OR51B5: variants seen among roughly 807,000 people sequenced by gnomAD.
OR51B5 encodes olfactory receptor 51B5.
For synonymous variants in OR51B5, 186 were observed against 144.8 expected, an observed-to-expected ratio of 1.28 and a Z score of -2.04; for missense variants, 456 against 374.6, an observed-to-expected ratio of 1.22 and a Z score of -1.79.
intron 1 of OR51B5, chr11:5,430,679 A>G (rs936552483): frequency 4.4e-6 from 2 of 455,352 alleles, no homozygotes; most frequent in Admixed American, 4.7e-5. Flanking sequence ...TTGCAGGAAA[A>G]CAAGGTGAGA....
At chr11:5,398,192 A>G (rs1258277292) in intron 1 of OR51B5, among the ~76,000 whole-genome samples, 1 of 117,292 alleles carries the variant, frequency 8.5e-6, no homozygotes, top group Non-Finnish European at 2.0e-5. Flanking sequence ...CCTAAAACTT[A>G]AAAGTATAAC....
intron 1 of OR51B5, among the ~76,000 whole-genome samples, chr11:5,366,707 G>C: frequency 6.6e-6 from 1 of 151,678 alleles, no homozygotes; most frequent in Admixed American, 6.6e-5. Flanking sequence ...AGAAAAAGTA[G>C]AGGAGGAGGA....
chr11:5,357,522 C>G (rs1353538387), intron 1 of OR51B5, among the ~76,000 whole-genome samples: 2 of 151,998 alleles, frequency 1.3e-5, no homozygotes, highest in African/African-American at 4.8e-5. Flanking sequence ...CACACAATAA[C>G]AATGGGAGAC....
At chr11:5,427,357 T>TG (rs1850466595) in intron 1 of OR51B5, among the ~76,000 whole-genome samples, 1 of 147,278 alleles carries the variant, frequency 6.8e-6, no homozygotes, top group Non-Finnish European at 1.5e-5. Context: ...ATTGAACAGT[T>TG]AGGTAAGTGA....
intron 1 of OR51B5, among the ~76,000 whole-genome samples, chr11:5,404,687 G>A (rs2133744891): frequency 6.6e-6 from 1 of 152,308 alleles, no homozygotes; most frequent in South Asian, 2.1e-4. Context: ...AAATCTTGTG[G>A]CTGCTCACTC....
chr11:5,403,578 G>A, intron 1 of OR51B5: 1 of 455,494 alleles, frequency 2.2e-6, no homozygotes, highest in Middle Eastern at 3.3e-4. Flanking sequence ...AAATGTTTTT[G>A]TTTGTTTGCT....
At chr11:5,484,409 T>C (rs1288831737) in intron 1 of OR51B5, among the ~76,000 whole-genome samples, 1 of 152,148 alleles carries the variant, frequency 6.6e-6, no homozygotes, top group Non-Finnish European at 1.5e-5. Flanking sequence ...ACAGTTATTT[T>C]AAAGCTTTCT....
At chr11:5,425,755 T>C (rs933060280) in intron 1 of OR51B5, among the ~76,000 whole-genome samples, 2 of 152,210 alleles carry the variant, frequency 1.3e-5, no homozygotes, top group Non-Finnish European at 2.9e-5. Flanking sequence ...TTATTGACCC[T>C]CTGTAAATTA....
intron 1 of OR51B5, among the ~76,000 whole-genome samples, chr11:5,485,771 C>T (rs1851489281): frequency 6.6e-6 from 1 of 152,134 alleles, no homozygotes. Context: ...TCAAATACTA[C>T]CTTCCCAGCA....
Position 5,425,420 on chromosome 11 carries a change from CAGA to C in OR51B5, n.85-78513_85-78511del, listed in dbSNP as rs561467921. Among the ~76,000 whole-genome samples the C allele has an allele frequency of 7.2e-5, 11 of 152,258 alleles. No individual in the cohort carries two copies. In the South Asian group the frequency reaches 2.3e-3, roughly 32 times the overall value. Reference sequence around the variant, plus strand: ...AACAAGTCAAAACTTAACTAGAAATCAGATGAAGATTAAATCAAGTAGTCTGCT... The same window carrying C: ...AACAAGTCAAAACTTAACTAGAAATCTGAAGATTAAATCAAGTAGTCTGCT... On this transcript the variant is annotated intron_variant and non_coding_transcript_variant, in intron 1 of 4. Transcript: ENST00000415970.
At chr11:5,475,581 A>C (rs2647543) in intron 1 of OR51B5, among the ~76,000 whole-genome samples, 70,677 of 151,960 alleles carry the variant, frequency 0.47, 17,064 homozygotes, top group East Asian at 0.61. Flanking sequence ...TAATACTTAC[A>C]TAACATTCTC....
intron 1 of OR51B5, among the ~76,000 whole-genome samples, chr11:5,493,043 T>C (rs1851601998): frequency 6.6e-6 from 1 of 152,164 alleles, no homozygotes; most frequent in Non-Finnish European, 1.5e-5. Context: ...TCCTACCGTT[T>C]GAGTTTGATA....
At chr11:5,394,775 G>GT (rs1197096589) in intron 1 of OR51B5, among the ~76,000 whole-genome samples, 1 of 152,082 alleles carries the variant, frequency 6.6e-6, no homozygotes, top group Admixed American at 6.5e-5. Flanking sequence ...GGGGACGTTA[G>GT]TTTTTTTCAC....
chr11:5,495,158 G>C (rs985579546), intron 1 of OR51B5, among the ~76,000 whole-genome samples: 1 of 152,156 alleles, frequency 6.6e-6, no homozygotes, highest in African/African-American at 2.4e-5. Context: ...ATATTCAAGA[G>C]TGGATGCACT....
intron 1 of OR51B5, among the ~76,000 whole-genome samples, chr11:5,428,814 C>T (rs951003039): frequency 2.2e-4 from 34 of 152,194 alleles, no homozygotes; most frequent in African/African-American, 7.7e-4. Flanking sequence ...CTAATCACCT[C>T]CTTGTTCAGA....
intron 1 of OR51B5, among the ~76,000 whole-genome samples, chr11:5,394,266 A>G (rs7942877): frequency 0.13 from 20,094 of 152,092 alleles, 1,404 homozygotes; most frequent in South Asian, 0.16. Context: ...TAGATTACCC[A>G]TTTTACAGAT....
At chr11:5,504,241 T>G (rs930633214) in intron 1 of OR51B5, among the ~76,000 whole-genome samples, 4 of 152,242 alleles carry the variant, frequency 2.6e-5, no homozygotes, top group Non-Finnish European at 5.9e-5. Flanking sequence ...GCACTTTTTA[T>G]GGTTTGGATA....
chr11:5,383,164 G>C (rs971406797), intron 1 of OR51B5, among the ~76,000 whole-genome samples: 1 of 152,058 alleles, frequency 6.6e-6, no homozygotes, highest in African/African-American at 2.4e-5. Context: ...AAGGCTACTT[G>C]TTGTAGGGCT....
intron 1 of OR51B5, among the ~76,000 whole-genome samples, chr11:5,420,953 C>G (rs888854789): frequency 2.6e-5 from 4 of 152,282 alleles, no homozygotes; most frequent in Admixed American, 6.5e-5. Flanking sequence ...TCAACTACAG[C>G]TCTCTTGCCC....
Sources: gnomAD v4.1 joint callset for allele counts (sites outside exome capture counted in the v4.1 genomes callset) on GRCh38, gnomAD v4.1.1 for gene constraint, MANE v1.5 for transcripts, NCBI Gene and HGNC (gene_info 2026-07-23, HGNC 2026-07-21) for gene names.